DGKB: variants seen among roughly 807,000 people sequenced by gnomAD.
DGKB encodes the protein diacylglycerol kinase beta.
DGKB carries 67 observed loss-of-function variants against 114.3 expected under a neutral mutation model. The observed-to-expected ratio is 0.59, with a 90% confidence interval of 0.48 to 0.72. The LOEUF is 0.72. DGKB is among the 30% of genes least tolerant of loss of function. The probability of loss-of-function intolerance (pLI) is 0.00; values close to 1 mark genes in which losing one functional copy is unlikely to be tolerated. For missense variants in DGKB, 907 were observed against 975.2 expected (o/e 0.93, Z 0.93); for synonymous variants, 398 against 323.1 (o/e 1.23, Z -2.49).
chr7:14,838,546 C>G (rs186090221), intron 2 of DGKB, among the ~76,000 whole-genome samples: 284 of 152,264 alleles, frequency 1.9e-3, no homozygotes, highest in Middle Eastern at 6.8e-3. Flanking sequence ...CCCTCTCTCT[C>G]TCTCTCTGTC....
chr7:14,574,380 GA>G lies in DGKB; in HGVS notation c.1610-9del, dbSNP rs140583976. 392 of 1,560,254 alleles carry G rather than the reference GA, an allele frequency of 2.5e-4. No homozygotes were observed. Among genetic ancestry groups the G allele is most frequent in the Admixed American group, 6.4e-4 (34 of 53,002 alleles). On this transcript the variant is annotated splice_polypyrimidine_tract_variant and intron_variant, in intron 19 of 25. Transcript: ENST00000402815. ...GATTCTCACCTTCGTAACCTAGTGG[GA>G]AAAAAAAATACCTTGAGAAAAGAAC...
intron 17 of DGKB, among the ~76,000 whole-genome samples, chr7:14,602,782 C>T (rs1404298176): frequency 6.6e-6 from 1 of 152,088 alleles, no homozygotes; most frequent in East Asian, 1.9e-4. Flanking sequence ...TTATAGCAGC[C>T]AGAACAGAAT....
At chr7:14,454,599 T>C (rs1832010977) in intron 21 of DGKB, among the ~76,000 whole-genome samples, 1 of 152,102 alleles carries the variant, frequency 6.6e-6, no homozygotes, top group African/African-American at 2.4e-5. Context: ...AAATCATATA[T>C]GATTGCTATC....
At position 14,523,657 on chromosome 7, in the gene DGKB, A is replaced by G. The variant is rs534987976; in HGVS notation, c.1771-45432T>C. Among the ~76,000 whole-genome samples, 15 of 152,286 alleles carry G rather than the reference A, an allele frequency of 9.8e-5. No homozygotes were observed. The South Asian group carries it at 2.7e-3, about 27-fold the overall frequency. On this transcript the variant is annotated intron_variant, in intron 20 of 25. Transcript: ENST00000402815. The stretch of plus-strand genomic sequence containing the variant: ...TCTTGTTTGGAAATTGTTATATAAT[A>G]CAAACGTATATAATACAATGTATTC...
At chr7:14,735,042 G>A (rs1831506435) in intron 5 of DGKB, among the ~76,000 whole-genome samples, 2 of 152,176 alleles carry the variant, frequency 1.3e-5, no homozygotes, top group South Asian at 2.1e-4. Context: ...CCCGGTGGCG[G>A]TAGCATGTTG....
At chr7:14,951,858 T>TA (rs570553299) in intron 1 of DGKB, among the ~76,000 whole-genome samples, 4 of 151,790 alleles carry the variant, frequency 2.6e-5, no homozygotes, top group African/African-American at 4.8e-5. Flanking sequence ...CAAAACAAGT[T>TA]AAAAAAATCT....
chr7:14,467,442 A>G (rs1011004084), intron 21 of DGKB, among the ~76,000 whole-genome samples: 30 of 151,430 alleles, frequency 2.0e-4, no homozygotes, highest in Non-Finnish European at 4.1e-4. Context: ...TATAAAATAT[A>G]AGTAACAGAC....
intron 23 of DGKB, among the ~76,000 whole-genome samples, chr7:14,258,923 T>C (rs1280752072): frequency 6.6e-6 from 1 of 152,202 alleles, no homozygotes; most frequent in Non-Finnish European, 1.5e-5. Context: ...GCACTTTTTT[T>C]CAAAACAGGA....
intron 20 of DGKB, among the ~76,000 whole-genome samples, chr7:14,534,168 C>A (rs549307875): frequency 4.0e-5 from 6 of 151,718 alleles, no homozygotes; most frequent in African/African-American, 1.2e-4. Flanking sequence ...ACAAACTACA[C>A]GTGGAGGAGA....
chr7:14,728,388 C>G (rs1445531538), intron 5 of DGKB, among the ~76,000 whole-genome samples: 7 of 152,186 alleles, frequency 4.6e-5, no homozygotes, highest in Non-Finnish European at 8.8e-5. Context: ...CAAAACTCTT[C>G]CCCACCTGGC....
At chr7:14,480,955 AT>A (rs1415942055) in intron 20 of DGKB, among the ~76,000 whole-genome samples, 1 of 152,038 alleles carries the variant, frequency 6.6e-6, no homozygotes, top group African/African-American at 2.4e-5. Context: ...TTTGAAATAT[AT>A]TTTTAAAGAC....
intron 17 of DGKB, among the ~76,000 whole-genome samples, chr7:14,590,647 T>C (rs1801549425): frequency 6.6e-6 from 1 of 152,122 alleles, no homozygotes; most frequent in Non-Finnish European, 1.5e-5. Context: ...CCCTAGAAAC[T>C]CATTCATTCC....
chr7:14,216,154 T>G (rs1016410330), intron 23 of DGKB, among the ~76,000 whole-genome samples: 3 of 152,144 alleles, frequency 2.0e-5, no homozygotes, highest in African/African-American at 7.2e-5. Flanking sequence ...AAGGAAATAA[T>G]ATGAACACGT....
intron 21 of DGKB, among the ~76,000 whole-genome samples, chr7:14,393,211 G>A (rs758734461): frequency 6.6e-6 from 1 of 151,448 alleles, no homozygotes; most frequent in Non-Finnish European, 1.5e-5. Context: ...GGATGGTCTC[G>A]ATCTCCTGAC....
intron 23 of DGKB, among the ~76,000 whole-genome samples, chr7:14,318,572 C>G (rs1205300328): frequency 6.6e-6 from 1 of 152,088 alleles, no homozygotes; most frequent in Non-Finnish European, 1.5e-5. Flanking sequence ...AAATGCTAAT[C>G]AAAACCACAA....
At chr7:14,802,481 T>G (rs968625247) in intron 2 of DGKB, among the ~76,000 whole-genome samples, 2 of 152,166 alleles carry the variant, frequency 1.3e-5, no homozygotes, top group African/African-American at 4.8e-5. Flanking sequence ...ATTTTGCAAG[T>G]ATTATTTTTA....
chr7:14,672,016 T>C (rs1364199262), intron 13 of DGKB, among the ~76,000 whole-genome samples: 1 of 152,058 alleles, frequency 6.6e-6, no homozygotes, highest in Non-Finnish European at 1.5e-5. Flanking sequence ...TTTTGTAGTT[T>C]GAGAAAATGA....
intron 2 of DGKB, among the ~76,000 whole-genome samples, chr7:14,780,532 C>A (rs1009379216): frequency 6.6e-6 from 1 of 152,152 alleles, no homozygotes; most frequent in Non-Finnish European, 1.5e-5. Flanking sequence ...ATGTTCCAAG[C>A]ATCAGGTAAA....
intron 2 of DGKB, among the ~76,000 whole-genome samples, chr7:14,801,729 C>T (rs1028205258): frequency 6.6e-6 from 1 of 151,878 alleles, no homozygotes; most frequent in Non-Finnish European, 1.5e-5. Context: ...TTTCCTGGAT[C>T]GCCAGCTTGT....
Sources: gnomAD v4.1 joint callset for allele counts (sites outside exome capture counted in the v4.1 genomes callset) on GRCh38, gnomAD v4.1.1 for gene constraint, MANE v1.5 for transcripts, NCBI Gene and HGNC (gene_info 2026-07-23, HGNC 2026-07-21) for gene names.